Variants in KCNMA1 observed in about 807,000 individuals in gnomAD.
KCNMA1 encodes Calcium-activated potassium channel subunit alpha-1.
Under a neutral mutation model 140.0 loss-of-function variants are expected in KCNMA1, and 29 were observed. The observed-to-expected ratio is 0.21, with a 90% CI of 0.15 to 0.28. The LOEUF is 0.28. Ranked by LOEUF, KCNMA1 falls within the 10% of genes least tolerant of loss-of-function variation. The pLI is 1.00. For missense variants in KCNMA1, 880 were observed against 1,602.2 expected, an observed-to-expected ratio of 0.55 and a Z score of 7.70; for synonymous variants, 612 against 611.9, an observed-to-expected ratio of 1.00 and a Z score of 0.00.
chr10:77,220,763 C>CT (rs34221398), intron 3 of KCNMA1, among the ~76,000 whole-genome samples: 27,310 of 152,046 alleles, frequency 0.18, 2,767 homozygotes, highest in Non-Finnish European at 0.21. Context: ...CCAGTTTCTG[C>CT]TAAAAAAAGT....
rs932961604 is a variant in KCNMA1, at chr10:77,246,884, C to T, written c.602+4311G>A. On this transcript the variant is annotated intron_variant, in intron 3 of 27. Transcript: ENST00000286628. ...GCTGCCATTTCCTGCTCCTTCCTAA[C>T]GTCCATATCCCCAAAACAGCAGTGC... 3.9e-5 allele frequency among the ~76,000 whole-genome samples: 6 copies of T among 152,294 alleles called. No individual in the cohort carries two copies. The East Asian group carries it at 1.2e-3, about 29-fold the overall frequency.
At chr10:77,634,162 C>T in intron 1 of KCNMA1, 1 of 985,384 alleles carries the variant, frequency 1.0e-6, no homozygotes, top group African/African-American at 1.7e-5. Flanking sequence ...GCTCCCTATT[C>T]AATATAGTCT....
intron 1 of KCNMA1, among the ~76,000 whole-genome samples, chr10:77,475,876 G>T (rs1292474104): frequency 1.3e-5 from 2 of 152,288 alleles, no homozygotes; most frequent in South Asian, 2.1e-4. Flanking sequence ...CTTGCTCAGG[G>T]TCTCACAGTG....
At chr10:76,900,352 G>A (rs1455477873) in intron 25 of KCNMA1, among the ~76,000 whole-genome samples, 1 of 151,964 alleles carries the variant, frequency 6.6e-6, no homozygotes, top group Non-Finnish European at 1.5e-5. Flanking sequence ...GACTTCCAGA[G>A]GGAAAAATAA....
intron 2 of KCNMA1, among the ~76,000 whole-genome samples, chr10:77,268,804 G>A (rs895590543): frequency 1.1e-4 from 16 of 152,140 alleles, no homozygotes; most frequent in African/African-American, 3.9e-4. Context: ...ATGCAGGATG[G>A]GCTGGCTCAA....
intron 1 of KCNMA1, among the ~76,000 whole-genome samples, chr10:77,569,787 G>C (rs1286948533): frequency 1.3e-5 from 2 of 152,180 alleles, no homozygotes; most frequent in South Asian, 2.1e-4. Flanking sequence ...ATTACCATCA[G>C]AGTGAACAGG....
At chr10:76,986,565 T>C (rs757911850) in intron 19 of KCNMA1, among the ~76,000 whole-genome samples, 6 of 152,210 alleles carry the variant, frequency 3.9e-5, no homozygotes, top group Non-Finnish European at 7.4e-5. Context: ...GGGAATCTGG[T>C]GGGGTTCAGG....
intron 5 of KCNMA1, among the ~76,000 whole-genome samples, chr10:77,153,640 G>T (rs961475602): frequency 1.3e-5 from 2 of 152,282 alleles, no homozygotes; most frequent in Admixed American, 1.3e-4. Flanking sequence ...TGGATTACAG[G>T]CATGAGCCAC....
chr10:77,522,304 GT>G (rs2053716701), intron 1 of KCNMA1, among the ~76,000 whole-genome samples: 1 of 152,010 alleles, frequency 6.6e-6, no homozygotes, highest in African/African-American at 2.4e-5. Context: ...TGGGGAAGGG[GT>G]CCTGCAATGG....
intron 2 of KCNMA1, among the ~76,000 whole-genome samples, chr10:77,368,813 G>T (rs10762757): frequency 0.19 from 28,263 of 152,026 alleles, 2,799 homozygotes; most frequent in East Asian, 0.33. Flanking sequence ...CCATTGAATT[G>T]TCTTTGTACC....
chr10:77,558,264 G>A (rs1172775843), intron 1 of KCNMA1, among the ~76,000 whole-genome samples: 3 of 152,104 alleles, frequency 2.0e-5, no homozygotes, highest in South Asian at 4.2e-4. Context: ...GACATGCCTC[G>A]TGAATCAGGT....
chr10:76,900,337 T>C (rs529389133), intron 25 of KCNMA1, among the ~76,000 whole-genome samples: 1 of 152,194 alleles, frequency 6.6e-6, no homozygotes, highest in South Asian at 2.1e-4. Flanking sequence ...ATGCTCTGAT[T>C]TGGGGACTTC....
intron 15 of KCNMA1, among the ~76,000 whole-genome samples, chr10:77,037,024 T>C (rs575150820): frequency 6.6e-6 from 1 of 152,326 alleles, no homozygotes; most frequent in African/African-American, 2.4e-5. Flanking sequence ...AAGTGGAATA[T>C]ATATATATTC....
intron 1 of KCNMA1, among the ~76,000 whole-genome samples, chr10:77,419,814 A>G (rs1466709781): frequency 6.6e-6 from 1 of 152,224 alleles, no homozygotes. Flanking sequence ...CCTGTGTCAC[A>G]GCCCTGGAAA....
chr10:77,281,325 C>A (rs1387119707), intron 2 of KCNMA1, among the ~76,000 whole-genome samples: 3 of 152,158 alleles, frequency 2.0e-5, no homozygotes, highest in Admixed American at 6.5e-5. Flanking sequence ...TGACACAGCA[C>A]CATTCTGGAG....
At chr10:77,040,464 AT>A (rs2094604733) in intron 14 of KCNMA1, among the ~76,000 whole-genome samples, 5 of 152,256 alleles carry the variant, frequency 3.3e-5, no homozygotes, top group Admixed American at 3.3e-4. Context: ...ATTAAAAATT[AT>A]AATGAAAATG....
At chr10:77,546,650 G>T (rs2061520622) in intron 1 of KCNMA1, among the ~76,000 whole-genome samples, 1 of 152,224 alleles carries the variant, frequency 6.6e-6, no homozygotes, top group Non-Finnish European at 1.5e-5. Flanking sequence ...ATCTCCAGTG[G>T]GAGAGGAAAG....
At chr10:77,217,489 G>A (rs1158972997) in intron 3 of KCNMA1, 8 of 456,462 alleles carry the variant, frequency 1.8e-5, no homozygotes, top group Non-Finnish European at 2.6e-5. Context: ...GTACATTTCT[G>A]GAGAATATTC....
intron 1 of KCNMA1, among the ~76,000 whole-genome samples, chr10:77,547,068 G>A: frequency 6.6e-6 from 1 of 152,098 alleles, no homozygotes; most frequent in Middle Eastern, 3.2e-3. Context: ...ACTCCACACA[G>A]GAACCCAGCC....
Sources: gnomAD v4.1 joint callset for allele counts (sites outside exome capture counted in the v4.1 genomes callset) on GRCh38, gnomAD v4.1.1 for gene constraint, MANE v1.5 for transcripts, NCBI Gene and HGNC (gene_info 2026-07-23, HGNC 2026-07-21) for gene names.